Variants in PKD1L1 observed in about 807,000 individuals in gnomAD.
PKD1L1 encodes the protein polycystin 1 like 1, transient receptor potential channel interacting.
A neutral mutation model predicts 323.4 loss-of-function variants in PKD1L1; 236 were observed. The ratio of observed to expected loss-of-function variants is 0.73; its 90% CI spans 0.66 to 0.81. The LOEUF is 0.81. Ranked by LOEUF, PKD1L1 falls within the 40% of genes least tolerant of loss-of-function variation. The probability of loss-of-function intolerance (pLI) is 0.00; values close to 1 mark genes in which losing one functional copy is unlikely to be tolerated. For missense variants in PKD1L1, 3,320 were observed against 3,508.0 expected, an observed-to-expected ratio of 0.95 and a Z score of 1.35; for synonymous variants, 1,344 against 1,335.0, an observed-to-expected ratio of 1.01 and a Z score of -0.15.
chr7:47,813,781 C>T (rs78584654), intron 48 of PKD1L1, 150 bp downstream of exon 48: 34,450 of 683,788 alleles, frequency 0.05, 1,565 homozygotes, highest in East Asian at 0.18. Context: ...GGGCGAGGCT[C>T]GCCCTCTCCC....
chr7:47,812,473 T>A (rs1784921859), intron 49 of PKD1L1, among the ~76,000 whole-genome samples: 1 of 152,220 alleles, frequency 6.6e-6, no homozygotes, highest in African/African-American at 2.4e-5. Context: ...AACTCGTATT[T>A]AGTAACAATT....
Position 47,819,701 on chromosome 7 carries a change from A to G in PKD1L1, c.6965+1375T>C, listed in dbSNP as rs754129946. ...GCTACAGAACACCCAGACTCATAGC[A>G]CTGGGACTTCCAGGTCTTACCTTAC... is the stretch of plus-strand genomic sequence containing the variant. On this transcript the variant is annotated intron_variant, in intron 46 of 56. Coordinates refer to ENST00000289672, the MANE Select transcript of PKD1L1 (RefSeq NM_138295.5). The G allele has an allele frequency of 2.5e-4, 152 of 610,512 alleles. 1 individual carries two copies. The highest frequency in any genetic ancestry group is 4.1e-4 in the Middle Eastern group (1 of 2,440). 37.8% of individuals were successfully genotyped at this position (610,512 alleles called of 1,614,324 possible). A position where few individuals can be genotyped will look rare whatever the true frequency, so the allele number is the denominator to read the frequency against.
chr7:47,943,035 A>G (rs570565387), intron 2 of PKD1L1, among the ~76,000 whole-genome samples: 1 of 151,406 alleles, frequency 6.6e-6, no homozygotes, highest in African/African-American at 2.4e-5. Flanking sequence ...AGTCCCAGCT[A>G]CTCAGGAGGC....
At chr7:47,815,478 A>T (rs1165686572) in intron 46 of PKD1L1, 21 bp from the exon 47 acceptor site, 8 of 1,608,408 alleles carry the variant, frequency 5.0e-6, no homozygotes, top group East Asian at 4.5e-5. Context: ...GAACAAAAAT[A>T]AAAAGTTGCT....
chr7:47,880,691 T>C, intron 21 of PKD1L1, 37 bp downstream of exon 21: 1 of 1,536,616 alleles, frequency 6.5e-7, no homozygotes, highest in East Asian at 2.3e-5. Context: ...GCAGGACTCC[T>C]CATCCTCTGA....
intron 13 of PKD1L1, among the ~76,000 whole-genome samples, chr7:47,901,934 T>A (rs940620609): frequency 6.6e-6 from 1 of 152,066 alleles, no homozygotes; most frequent in Admixed American, 6.6e-5. Flanking sequence ...AGATAACCGA[T>A]CATGTCCTTT....
intron 50 of PKD1L1, among the ~76,000 whole-genome samples, chr7:47,810,464 T>G (rs141880985): frequency 6.6e-6 from 1 of 152,294 alleles, no homozygotes; most frequent in East Asian, 1.9e-4. Flanking sequence ...CCCCTTAAAT[T>G]TGATGCCCAA....
chr7:47,871,251 C>G (rs187896232), intron 24 of PKD1L1, among the ~76,000 whole-genome samples: 1 of 131,530 alleles, frequency 7.6e-6, no homozygotes, highest in East Asian at 2.0e-4. Context: ...TAACTTGTAT[C>G]TTAGTTTGTG....
At chr7:47,879,775 T>C (rs1237027496) in intron 21 of PKD1L1, among the ~76,000 whole-genome samples, 1 of 144,264 alleles carries the variant, frequency 6.9e-6, no homozygotes, top group Non-Finnish European at 1.5e-5. Context: ...CTACTAAAAA[T>C]ACAAAAAATT....
At chr7:47,841,530 T>C (rs1785563506) in intron 34 of PKD1L1, among the ~76,000 whole-genome samples, 1 of 152,252 alleles carries the variant, frequency 6.6e-6, no homozygotes, top group African/African-American at 2.4e-5. Context: ...CCTGGAATTA[T>C]GAATAGATTT....
At chr7:47,933,100 C>T (rs940529577) in intron 4 of PKD1L1, among the ~76,000 whole-genome samples, 8 of 152,120 alleles carry the variant, frequency 5.3e-5, no homozygotes, top group Admixed American at 5.2e-4. Flanking sequence ...CTGAGGAATG[C>T]GAGTCCCTTT....
intron 26 of PKD1L1, among the ~76,000 whole-genome samples, chr7:47,859,239 C>T (rs997416140): frequency 1.3e-5 from 2 of 152,166 alleles, no homozygotes; most frequent in African/African-American, 4.8e-5. Context: ...CCCCAACGAC[C>T]ACTTTGCAAA....
At chr7:47,815,277 C>A in intron 47 of PKD1L1, 57 bp downstream of exon 47, 1 of 1,586,712 alleles carries the variant, frequency 6.3e-7, no homozygotes, top group South Asian at 1.1e-5. Context: ...CTGTTTCACC[C>A]ACTGCAAGAT....
rs73105163 is a variant in PKD1L1, at chr7:47,874,139, A to G, written c.3785-129T>C. On this transcript the variant is annotated intron_variant, in intron 23 of 56. Transcript: ENST00000289672. ...GTGCTGACAAAGGGGCCAGGCTCCGAGCCACAGGGAGCCCAGGGAGTGAAA... is the reference window on the plus strand; with the variant it reads ...GTGCTGACAAAGGGGCCAGGCTCCGGGCCACAGGGAGCCCAGGGAGTGAAA... 181,626 of 607,970 alleles carry G rather than the reference A, an allele frequency of 0.3. 30,524 individuals are homozygous for G. The highest frequency in any genetic ancestry group is 0.57 in the African/African-American group (30,476 of 53,664). The allele number at this position is 607,970 out of a possible 1,614,324, so 37.7% of individuals were successfully genotyped here.
At chr7:47,910,463 T>C (rs189614196) in intron 8 of PKD1L1, among the ~76,000 whole-genome samples, 1 of 150,432 alleles carries the variant, frequency 6.6e-6, no homozygotes, top group African/African-American at 2.4e-5. Context: ...GCCTCCTGAG[T>C]AGCTGGGACT....
In PKD1L1 at chr7:47,890,760, A is replaced by T. The variant is rs1213883399; in HGVS notation, c.2457T>A (p.Tyr819Ter). 6.2e-7 allele frequency: 1 copy of T among 1,612,182 alleles called. No individual in the cohort carries two copies. Among genetic ancestry groups the T allele is most frequent in the Non-Finnish European group, 8.5e-7 (1 of 1,179,940 alleles). ...DPDDPGATLR[Y>*]HWECATAGSP... ...AGCCAGCGGTGGCGCATTCCCAGTG[A>T]TACCTGTTGGAGAAGTCATCGGAGT... The change falls in exon 16 of 57, where the codon TAT becomes TAA. Residue 819 changes from tyrosine (Y) to a stop codon, truncating the protein, a stop_gained. Transcript: ENST00000289672. LOFTEE classifies it high-confidence loss of function.
intron 3 of PKD1L1, 47 bp from the exon 4 acceptor site, chr7:47,937,005 A>C (rs199732936): frequency 7.0e-7 from 1 of 1,427,258 alleles, no homozygotes; most frequent in Non-Finnish European, 9.8e-7. Context: ...GCTTATGAAA[A>C]CCCAGTACAT....
At chr7:47,908,674 T>C (rs1787258321) in intron 8 of PKD1L1, among the ~76,000 whole-genome samples, 2 of 152,234 alleles carry the variant, frequency 1.3e-5, no homozygotes, top group Non-Finnish European at 2.9e-5. Flanking sequence ...TGATGATGGA[T>C]GACAAAAATG....
chr7:47,849,910 A>C (rs1358067160), intron 31 of PKD1L1, among the ~76,000 whole-genome samples: 2 of 152,234 alleles, frequency 1.3e-5, no homozygotes, highest in Non-Finnish European at 2.9e-5. Context: ...TAAGTGAAGT[A>C]ACTCAGGAAT....
Sources: allele counts gnomAD v4.1 joint callset (sites outside exome capture counted in the v4.1 genomes callset), GRCh38; gene constraint gnomAD v4.1.1; transcripts MANE v1.5; gene names NCBI Gene and HGNC (gene_info 2026-07-23, HGNC 2026-07-21).